The following PDE9A variants were observed in gnomAD, a reference collection of about 807,000 sequenced individuals.
PDE9A encodes high affinity cGMP-specific 3',5'-cyclic phosphodiesterase 9A.
PDE9A carries 60 observed loss-of-function variants against 87.4 expected under a neutral mutation model. The ratio of observed to expected loss-of-function variants is 0.69; its 90% CI spans 0.56 to 0.85. The LOEUF (loss-of-function observed/expected upper bound fraction) is 0.85, where lower values mean the gene tolerates loss of function less well. PDE9A is among the 40% of genes least tolerant of loss of function. PDE9A has a pLI of 0.00. For missense variants in PDE9A, 665 were observed against 779.0 expected, an observed-to-expected ratio of 0.85 and a Z score of 1.74; for synonymous variants, 272 against 279.4, an observed-to-expected ratio of 0.97 and a Z score of 0.27.
At position 42,759,442 on chromosome 21, in the gene PDE9A, AGTGT is replaced by A. The variant is rs762621395; in HGVS notation, c.897+363_897+366del. Among the ~76,000 whole-genome samples the A allele has an allele frequency of 2.6e-4, 35 of 133,980 alleles. No individual in the cohort carries two copies. Among genetic ancestry groups the A allele is most frequent in the East Asian group, 1.3e-3 (6 of 4,482 alleles). The allele number at this position is 133,980 out of a possible 152,430, so 87.9% of individuals were successfully genotyped here. A position where few individuals can be genotyped will look rare whatever the true frequency, so the allele number is the denominator to read the frequency against. ...GAGTGAGTATGGGGGTGTGGATGTG[AGTGT>A]GTGTGAGTGTGGGGTGTGGATGTGA... On this transcript the variant is annotated intron_variant, in intron 11 of 19. Transcript: ENST00000291539. The surrounding 1 kb of genome is among the most constrained non-coding windows in gnomAD (Gnocchi z 7.2).
chr21:42,657,873 G>T (rs2057203480), intron 1 of PDE9A, among the ~76,000 whole-genome samples: 1 of 152,258 alleles, frequency 6.6e-6, no homozygotes, highest in African/African-American at 2.4e-5. Context: ...TCTTGGCCTT[G>T]CTCTGCAGCT....
intron 8 of PDE9A, among the ~76,000 whole-genome samples, chr21:42,749,999 G>A (rs1302679374): frequency 6.6e-6 from 1 of 152,138 alleles, no homozygotes; most frequent in Non-Finnish European, 1.5e-5. Flanking sequence ...TTAGTCAGGT[G>A]TGGCAGCATG....
chr21:42,760,105 C>G lies in PDE9A; in HGVS notation c.898-223C>G, dbSNP rs2055543715. 6.6e-6 allele frequency among the ~76,000 whole-genome samples: 1 copy of G among 152,014 alleles called. No homozygotes were observed. Among genetic ancestry groups the G allele is most frequent in the Non-Finnish European group, 1.5e-5 (1 of 67,986 alleles). On this transcript the variant is annotated intron_variant, in intron 11 of 19. Coordinates refer to ENST00000291539, the MANE Select transcript of PDE9A (RefSeq NM_002606.3). This position sits in a 1 kb window ranked among gnomAD's most constrained non-coding sequence, Gnocchi z 5.2. ...TGAAACCCCTGGTGGGAGCTCTGTC[C>G]CCACACCTGCCCCGGGTGCCGTGGT... is the stretch of plus-strand genomic sequence containing the variant.
intron 1 of PDE9A, among the ~76,000 whole-genome samples, chr21:42,677,953 G>A (rs1192460624): frequency 6.6e-6 from 1 of 152,188 alleles, no homozygotes; most frequent in Non-Finnish European, 1.5e-5. Flanking sequence ...TAGTTATCTT[G>A]TTTGTCCAGG....
At chr21:42,749,443 C>T (rs1029340093) in intron 8 of PDE9A, among the ~76,000 whole-genome samples, 3 of 152,278 alleles carry the variant, frequency 2.0e-5, no homozygotes. Flanking sequence ...CTGCAGGGGC[C>T]CAAGAGCAGC....
At chr21:42,764,132 C>T (rs2056114206) in intron 14 of PDE9A, among the ~76,000 whole-genome samples, 1 of 152,170 alleles carries the variant, frequency 6.6e-6, no homozygotes, top group African/African-American at 2.4e-5. Context: ...TGGTGATGGC[C>T]CCGGGAGGAG....
rs973360248 is a variant in PDE9A at position 42,739,435 on chromosome 21, G to A, written c.569-4341G>A. Among the ~76,000 whole-genome samples, 15 of 152,280 alleles carry A rather than the reference G, an allele frequency of 9.9e-5. No homozygotes were observed. Among genetic ancestry groups the A allele is most frequent in the East Asian group, 5.8e-4 (3 of 5,182 alleles). On this transcript the variant is annotated intron_variant, in intron 7 of 19. Transcript: ENST00000291539. The surrounding 1 kb of genome is among the most constrained non-coding windows in gnomAD (Gnocchi z 4.1). ...CAGGGAGTGAGGAGGCAGGACCCCC[G>A]GGGACACAGGCACACACATCCACCA...
intron 1 of PDE9A, among the ~76,000 whole-genome samples, chr21:42,674,235 T>C (rs1175906325): frequency 6.6e-6 from 1 of 151,078 alleles, no homozygotes; most frequent in Non-Finnish European, 1.5e-5. Context: ...TCCTCATCAC[T>C]GAAAATCCAC....
intron 7 of PDE9A, among the ~76,000 whole-genome samples, chr21:42,743,282 G>A (rs2053502574): frequency 6.6e-6 from 1 of 152,244 alleles, no homozygotes; most frequent in Admixed American, 6.5e-5. Flanking sequence ...TGGTGAAACT[G>A]CTCTGGAAGG....
chr21:42,676,463 A>G (rs2058849851), intron 1 of PDE9A, among the ~76,000 whole-genome samples: 1 of 152,214 alleles, frequency 6.6e-6, no homozygotes, highest in Non-Finnish European at 1.5e-5. Context: ...CCTGGTGAAC[A>G]TGAATCTGTT....
intron 1 of PDE9A, among the ~76,000 whole-genome samples, chr21:42,657,798 C>T (rs1358779715): frequency 1.3e-5 from 2 of 152,232 alleles, no homozygotes; most frequent in African/African-American, 4.8e-5. Flanking sequence ...CCTGACCTGG[C>T]GGCCCCCTCG....
intron 9 of PDE9A, among the ~76,000 whole-genome samples, chr21:42,752,108 C>T (rs2054499459): frequency 6.6e-6 from 1 of 152,202 alleles, no homozygotes; most frequent in East Asian, 1.9e-4. Flanking sequence ...CAGCAGAGGC[C>T]TGGGCTAAAC....
chr21:42,729,176 A>G (rs985323351), intron 4 of PDE9A, among the ~76,000 whole-genome samples: 2 of 152,188 alleles, frequency 1.3e-5, no homozygotes, highest in Non-Finnish European at 2.9e-5. Flanking sequence ...GACTTTTGCT[A>G]TAGGTTGTTT....
intron 7 of PDE9A, among the ~76,000 whole-genome samples, chr21:42,737,325 C>G (rs540947828): frequency 6.6e-6 from 1 of 152,398 alleles, no homozygotes; most frequent in Non-Finnish European, 1.5e-5. Context: ...CAGGATGTCA[C>G]ATATACATGC....
At chr21:42,661,822 A>G (rs146670306) in intron 1 of PDE9A, among the ~76,000 whole-genome samples, 3 of 152,274 alleles carry the variant, frequency 2.0e-5, no homozygotes, top group Non-Finnish European at 4.4e-5. Context: ...AGCTGTGTGC[A>G]TGTCTGTGGT....
intron 1 of PDE9A, among the ~76,000 whole-genome samples, chr21:42,685,921 C>T (rs897943914): frequency 6.6e-6 from 1 of 152,204 alleles, no homozygotes; most frequent in African/African-American, 2.4e-5. Flanking sequence ...GCGCCTTCAC[C>T]ATAACCATGT....
intron 14 of PDE9A, among the ~76,000 whole-genome samples, chr21:42,765,035 A>G (rs928621046): frequency 6.2e-5 from 9 of 144,050 alleles, no homozygotes; most frequent in Non-Finnish European, 1.4e-4. Flanking sequence ...GGATGGGTGG[A>G]TGGACAAATG....
chr21:42,721,738 C>CA (rs1426333910), intron 4 of PDE9A, among the ~76,000 whole-genome samples: 22 of 152,158 alleles, frequency 1.4e-4, no homozygotes, highest in Non-Finnish European at 2.4e-4. Context: ...AGTGCCACCC[C>CA]ACCCCTCGCT....
At chr21:42,766,006 G>T (rs866691203) in intron 15 of PDE9A, among the ~76,000 whole-genome samples, 9 of 152,182 alleles carry the variant, frequency 5.9e-5, no homozygotes, top group African/African-American at 2.2e-4. Context: ...CCCAGCATCT[G>T]CCTTTTGGAA....
Sources: gnomAD v4.1 joint callset for allele counts (sites outside exome capture counted in the v4.1 genomes callset) on GRCh38, gnomAD v4.1.1 for gene constraint, Gnocchi (gnomAD v3.1) non-coding constraint, MANE v1.5 for transcripts, NCBI Gene and HGNC (gene_info 2026-07-23, HGNC 2026-07-21) for gene names.